CDK14: variants seen among roughly 807,000 people sequenced by gnomAD.
The protein encoded by CDK14 is cyclin-dependent kinase 14.
Under a neutral mutation model 60.7 loss-of-function variants are expected in CDK14, and 34 were observed. The observed-to-expected ratio is 0.56, with a 90% CI of 0.43 to 0.75. The LOEUF is 0.75. Ranked by LOEUF, CDK14 falls within the 30% of genes least tolerant of loss-of-function variation. CDK14 has a pLI of 0.00. For missense variants in CDK14, 482 were observed against 564.1 expected (o/e 0.85, Z 1.47); for synonymous variants, 197 against 203.7 (o/e 0.97, Z 0.28).
intron 10 of CDK14, among the ~76,000 whole-genome samples, chr7:90,998,690 C>T (rs1000411063): frequency 1.3e-5 from 2 of 152,098 alleles, no homozygotes; most frequent in African/African-American, 4.8e-5. Context: ...AGATCAAGAT[C>T]GTCCTGGCTA....
At chr7:91,189,447 A>G (rs1025125945) in intron 14 of CDK14, among the ~76,000 whole-genome samples, 3 of 152,194 alleles carry the variant, frequency 2.0e-5, no homozygotes, top group Non-Finnish European at 2.9e-5. Flanking sequence ...TCTCTTCACT[A>G]TTGATAGTTT....
chr7:91,147,160 TCTCACACACACACACA>T (rs1473795264), intron 14 of CDK14, among the ~76,000 whole-genome samples: 2 of 107,680 alleles, frequency 1.9e-5, no homozygotes, highest in African/African-American at 3.6e-5. Flanking sequence ...TCTCTCTCTC[TCTCACACACACACACA>T]CACACACACA....
At chr7:90,654,891 T>G (rs1421753919) in intron 2 of CDK14, among the ~76,000 whole-genome samples, 1 of 152,204 alleles carries the variant, frequency 6.6e-6, no homozygotes, top group African/African-American at 2.4e-5. Flanking sequence ...GTTCTCTGGG[T>G]TTTGACAAAT....
chr7:90,952,890 T>A (rs1287640389), intron 8 of CDK14, among the ~76,000 whole-genome samples: 1 of 152,138 alleles, frequency 6.6e-6, no homozygotes, highest in Non-Finnish European at 1.5e-5. Context: ...AGTAAGCATG[T>A]TTTGATGCAT....
At chr7:91,145,405 A>G (rs923993303) in intron 14 of CDK14, among the ~76,000 whole-genome samples, 2 of 152,240 alleles carry the variant, frequency 1.3e-5, no homozygotes, top group Non-Finnish European at 2.9e-5. Flanking sequence ...CACACTGCAC[A>G]TAAGAAAGCC....
At chr7:90,868,598 A>G (rs1336693526) in intron 6 of CDK14, among the ~76,000 whole-genome samples, 2 of 152,154 alleles carry the variant, frequency 1.3e-5, no homozygotes, top group Non-Finnish European at 2.9e-5. Flanking sequence ...GTATAACATT[A>G]TATAAAACAA....
intron 14 of CDK14, among the ~76,000 whole-genome samples, chr7:91,130,407 CAA>C (rs1262127736): frequency 2.0e-5 from 3 of 152,064 alleles, no homozygotes; most frequent in Admixed American, 1.3e-4. Flanking sequence ...TCAGCAGCTA[CAA>C]ACCATAGAAG....
intron 4 of CDK14, among the ~76,000 whole-genome samples, chr7:90,760,827 G>T (rs1205695661): frequency 6.6e-6 from 1 of 152,194 alleles, no homozygotes; most frequent in Non-Finnish European, 1.5e-5. Context: ...TTTCCGATCT[G>T]TGTTCCTTCA....
intron 2 of CDK14, among the ~76,000 whole-genome samples, chr7:90,652,611 GT>G (rs1346869298): frequency 6.6e-6 from 1 of 152,210 alleles, no homozygotes; most frequent in Non-Finnish European, 1.5e-5. Context: ...CAAAATAAGT[GT>G]GAGACGATGT....
chr7:91,028,201 C>T (rs1180087084), intron 10 of CDK14, among the ~76,000 whole-genome samples: 1 of 151,430 alleles, frequency 6.6e-6, no homozygotes, highest in African/African-American at 2.4e-5. Context: ...CCAGTTCCAT[C>T]CAAGTTGCTG....
intron 7 of CDK14, among the ~76,000 whole-genome samples, chr7:90,903,730 A>G (rs527343753): frequency 6.6e-6 from 1 of 152,348 alleles, no homozygotes; most frequent in South Asian, 2.1e-4. Context: ...TGTTCCCAAG[A>G]CAAAGAAATT....
At chr7:90,857,823 C>A (rs1790874322) in intron 5 of CDK14, among the ~76,000 whole-genome samples, 1 of 152,214 alleles carries the variant, frequency 6.6e-6, no homozygotes, top group Admixed American at 6.5e-5. Context: ...TGGCACCTCA[C>A]TGGGACCAGT....
intron 14 of CDK14, among the ~76,000 whole-genome samples, chr7:91,192,986 T>G (rs778887842): frequency 1.3e-4 from 20 of 152,194 alleles, no homozygotes; most frequent in Non-Finnish European, 2.4e-4. Context: ...TGAGTTATTT[T>G]GTTTATTTTG....
chr7:91,161,247 G>C lies in CDK14; in HGVS notation c.*28+43039G>C, dbSNP rs1057181390. Among the ~76,000 whole-genome samples, 3 of 152,306 alleles carry C rather than the reference G, an allele frequency of 2.0e-5. No homozygotes were observed. In the East Asian group the frequency reaches 5.8e-4, roughly 29 times the overall value. On this transcript the variant is annotated intron_variant, in intron 14 of 14. Coordinates refer to ENST00000380050, the MANE Select transcript of CDK14 (RefSeq NM_001287135.2). The stretch of plus-strand genomic sequence containing the variant: ...GTAGACGGAGAGGATTCAGGAAGGA[G>C]CCTCCCAAGGCGCAGAATCAGTGGT...
chr7:91,059,313 T>C (rs1797699251), intron 11 of CDK14, among the ~76,000 whole-genome samples: 1 of 152,100 alleles, frequency 6.6e-6, no homozygotes, highest in South Asian at 2.1e-4. Flanking sequence ...TTATTAGTCT[T>C]GCTAGCGGTC....
At chr7:90,612,796 T>C (rs1461560381) in intron 2 of CDK14, among the ~76,000 whole-genome samples, 2 of 149,606 alleles carry the variant, frequency 1.3e-5, no homozygotes, top group African/African-American at 4.9e-5. Flanking sequence ...AAAAAAAAGA[T>C]TTTATATTAC....
chr7:91,137,520 A>G (rs554561197), intron 14 of CDK14, among the ~76,000 whole-genome samples: 189 of 152,276 alleles, frequency 1.2e-3, no homozygotes, highest in Non-Finnish European at 9.1e-4. Context: ...TTTTTAAAGG[A>G]CCGTGCTTGG....
chr7:90,917,508 C>T, intron 7 of CDK14, 93 bp from the exon 8 acceptor site: 2 of 1,209,714 alleles, frequency 1.7e-6, no homozygotes, highest in Non-Finnish European at 2.3e-6. Context: ...TACCCATTTT[C>T]CCTAAATATT....
intron 6 of CDK14, among the ~76,000 whole-genome samples, chr7:90,879,353 T>C (rs1791665305): frequency 6.6e-6 from 1 of 152,200 alleles, no homozygotes; most frequent in South Asian, 2.1e-4. Flanking sequence ...TTATGTATCG[T>C]TTATTCACAT....
Sources: gnomAD v4.1 joint callset for allele counts (sites outside exome capture counted in the v4.1 genomes callset) on GRCh38, gnomAD v4.1.1 for gene constraint, MANE v1.5 for transcripts, NCBI Gene and HGNC (gene_info 2026-07-23, HGNC 2026-07-21) for gene names.